CAMKMT: variants seen among roughly 807,000 people sequenced by gnomAD.
The protein encoded by CAMKMT is CaM KMT.
CAMKMT carries 53 observed loss-of-function variants against 48.0 expected under a neutral mutation model. The observed-to-expected ratio is 1.10, with a 90% CI of 0.89 to 1.39. The LOEUF is 1.39. Ranked by LOEUF, CAMKMT falls within the 40% of genes most tolerant of loss-of-function variation. The probability of loss-of-function intolerance (pLI) is 0.00; values close to 1 mark genes in which losing one functional copy is unlikely to be tolerated. For missense variants in CAMKMT, 428 were observed against 402.7 expected (o/e 1.06, Z -0.54); for synonymous variants, 165 against 152.3 (o/e 1.08, Z -0.61).
At chr2:44,510,274 T>G (rs1362866754) in intron 3 of CAMKMT, among the ~76,000 whole-genome samples, 4 of 152,222 alleles carry the variant, frequency 2.6e-5, no homozygotes, top group African/African-American at 9.6e-5. Flanking sequence ...TTTCACGGCC[T>G]TGATACTTTA....
intron 3 of CAMKMT, among the ~76,000 whole-genome samples, chr2:44,665,360 C>T (rs1045636153): frequency 4.6e-5 from 7 of 152,160 alleles, no homozygotes; most frequent in South Asian, 2.1e-4. Flanking sequence ...TGTGAGCCAC[C>T]GTGCCCGGCC....
At chr2:44,611,155 G>A (rs1336567695) in intron 3 of CAMKMT, among the ~76,000 whole-genome samples, 1 of 152,134 alleles carries the variant, frequency 6.6e-6, no homozygotes, top group Non-Finnish European at 1.5e-5. Context: ...CTCAGGGCTG[G>A]GCATGGTGGC....
intron 3 of CAMKMT, among the ~76,000 whole-genome samples, chr2:44,532,973 C>T (rs201971133): frequency 4.0e-4 from 60 of 151,840 alleles, no homozygotes; most frequent in Admixed American, 1.2e-3. Context: ...CCACCACACC[C>T]GGCTAATTTT....
chr2:44,521,234 T>C (rs1445956714), intron 3 of CAMKMT, among the ~76,000 whole-genome samples: 1 of 152,190 alleles, frequency 6.6e-6, no homozygotes, highest in African/African-American at 2.4e-5. Flanking sequence ...ATTTTACAAT[T>C]TATCTCTTTT....
chr2:44,441,994 C>T (rs764066274), intron 3 of CAMKMT, among the ~76,000 whole-genome samples: 15 of 152,078 alleles, frequency 9.9e-5, no homozygotes, highest in East Asian at 5.8e-4. Flanking sequence ...AGAGGCTGCC[C>T]GATAGCACTT....
At chr2:44,745,803 G>A (rs1001558055) in intron 8 of CAMKMT, among the ~76,000 whole-genome samples, 2 of 152,216 alleles carry the variant, frequency 1.3e-5, no homozygotes, top group African/African-American at 2.4e-5. Flanking sequence ...GCGGGGATGG[G>A]TAAGCTGCTT....
intron 8 of CAMKMT, among the ~76,000 whole-genome samples, chr2:44,745,296 A>G (rs1323046046): frequency 2.6e-5 from 4 of 152,206 alleles, no homozygotes; most frequent in Non-Finnish European, 5.9e-5. Flanking sequence ...TGGCTTTGTC[A>G]TACCTTGTGT....
At chr2:44,765,163 G>C (rs1274618632) in intron 9 of CAMKMT, among the ~76,000 whole-genome samples, 3 of 152,132 alleles carry the variant, frequency 2.0e-5, no homozygotes, top group Admixed American at 6.5e-5. Context: ...AGGAGGCAGA[G>C]GTTCCAGTGA....
chr2:44,616,801 A>C (rs1044141975), intron 3 of CAMKMT, among the ~76,000 whole-genome samples: 2 of 152,196 alleles, frequency 1.3e-5, no homozygotes, highest in Non-Finnish European at 2.9e-5. Context: ...ATATCACACA[A>C]ATCAGGAGAA....
At chr2:44,561,397 G>C (rs1469164151) in intron 3 of CAMKMT, among the ~76,000 whole-genome samples, 2 of 151,868 alleles carry the variant, frequency 1.3e-5, no homozygotes, top group Admixed American at 1.3e-4. Flanking sequence ...TTCCTTCTTT[G>C]TGTTTGATTT....
chr2:44,583,853 A>C (rs1433352808), intron 3 of CAMKMT, among the ~76,000 whole-genome samples: 1 of 152,162 alleles, frequency 6.6e-6, no homozygotes, highest in Non-Finnish European at 1.5e-5. Context: ...TAAAATGCAC[A>C]CATTGCAAGT....
At chr2:44,382,728 C>G (rs1680379284) in intron 2 of CAMKMT, among the ~76,000 whole-genome samples, 1 of 152,092 alleles carries the variant, frequency 6.6e-6, no homozygotes, top group African/African-American at 2.4e-5. Context: ...ATCCACCCGC[C>G]TTGGCCTCCC....
At position 44,469,651 on chromosome 2, in the gene CAMKMT, C is replaced by T. The variant is rs569822482; in HGVS notation, c.376+79346C>T. Among the ~76,000 whole-genome samples the T allele has an allele frequency of 4.9e-4, 75 of 152,030 alleles. 1 individual carries two copies. The highest frequency in any genetic ancestry group is 9.8e-4 in the Admixed American group (15 of 15,282). ...AAATTTTTTATTGTGTTAAAATGCA[C>T]CTATCACAAAATTTACCATCTTAAC... is the stretch of plus-strand genomic sequence containing the variant. On this transcript the variant is annotated intron_variant, in intron 3 of 10. Coordinates refer to ENST00000378494, the MANE Select transcript of CAMKMT (RefSeq NM_024766.5).
intron 2 of CAMKMT, among the ~76,000 whole-genome samples, chr2:44,375,407 A>G (rs1679585513): frequency 6.6e-6 from 1 of 151,588 alleles, no homozygotes; most frequent in Non-Finnish European, 1.5e-5. Flanking sequence ...TAAATATACA[A>G]TACTATGCTT....
At chr2:44,708,363 G>A (rs1020700252) in intron 6 of CAMKMT, among the ~76,000 whole-genome samples, 5 of 151,120 alleles carry the variant, frequency 3.3e-5, no homozygotes, top group African/African-American at 9.7e-5. Context: ...TTTCTTTTTC[G>A]ACTTCTGCCA....
At chr2:44,718,646 C>T (rs2104311565) in intron 7 of CAMKMT, among the ~76,000 whole-genome samples, 1 of 152,270 alleles carries the variant, frequency 6.6e-6, no homozygotes, top group East Asian at 1.9e-4. Context: ...TTGACGTCTA[C>T]GTATTTCTAG....
intron 9 of CAMKMT, among the ~76,000 whole-genome samples, chr2:44,762,850 T>C (rs1680674655): frequency 6.6e-6 from 1 of 152,224 alleles, no homozygotes; most frequent in Admixed American, 6.5e-5. Context: ...TTTCTGCTCA[T>C]CAGTCAAAGT....
At position 44,362,093 on chromosome 2, in the gene CAMKMT, G is replaced by C. The variant is rs1378085165; in HGVS notation, c.86G>C (p.Gly29Ala). 6.1e-6 allele frequency: 9 copies of C among 1,463,968 alleles called. No individual in the cohort carries two copies. Among genetic ancestry groups the C allele is most frequent in the Non-Finnish European group, 8.0e-6 (9 of 1,118,676 alleles). 90.7% of individuals were successfully genotyped at this position (1,463,968 alleles called of 1,614,324 possible). A position where few individuals can be genotyped will look rare whatever the true frequency, so the allele number is the denominator to read the frequency against. The change falls in exon 1 of 11, where the codon GGG (glycine) becomes GCG (alanine). Residue 29 changes from glycine (G) to alanine (A), a missense_variant. Physicochemically the swap from Gly to Ala is moderately conservative, Grantham distance 60. Transcript: ENST00000378494. ...CCGGCAGTTGGCTGCACCACTCGGG[G>C]GCCCGTAGTCTCGGCGCCCCTGGGA... ...GSPAVGCTTR[G>A]PVVSAPLGAA...
chr2:44,769,754 C>T (rs992721298), intron 10 of CAMKMT, among the ~76,000 whole-genome samples: 3 of 151,924 alleles, frequency 2.0e-5, no homozygotes, highest in Non-Finnish European at 4.4e-5. Flanking sequence ...GAAGTCAGTA[C>T]ATTGTGTTAA....
Sources: gnomAD v4.1 joint callset for allele counts (sites outside exome capture counted in the v4.1 genomes callset) on GRCh38, gnomAD v4.1.1 for gene constraint, MANE v1.5 for transcripts, NCBI Gene and HGNC (gene_info 2026-07-23, HGNC 2026-07-21) for gene names.